Variants in TBC1D5 observed in about 807,000 individuals in gnomAD.
TBC1D5 encodes TBC1 domain family member 5.
Under a neutral mutation model 100.3 loss-of-function variants are expected in TBC1D5, and 75 were observed. That is an observed-to-expected ratio of 0.75 (90% CI 0.62 to 0.91). The LOEUF is 0.91. TBC1D5 is among the 40% of genes least tolerant of loss of function. The probability of loss-of-function intolerance (pLI) is 0.00; values close to 1 mark genes in which losing one functional copy is unlikely to be tolerated. For missense variants in TBC1D5, 910 were observed against 942.4 expected (o/e 0.97, Z 0.45); for synonymous variants, 323 against 325.6 (o/e 0.99, Z 0.09).
intron 1 of TBC1D5, among the ~76,000 whole-genome samples, chr3:17,691,742 G>A (rs4243837): frequency 0.5 from 75,706 of 151,364 alleles, 20,456 homozygotes; most frequent in East Asian, 0.94. Context: ...ACTTGAACCC[G>A]TGAGGCGGAG....
intron 13 of TBC1D5, among the ~76,000 whole-genome samples, chr3:17,370,806 A>G (rs2092412683): frequency 6.6e-6 from 1 of 152,188 alleles, no homozygotes; most frequent in Non-Finnish European, 1.5e-5. Flanking sequence ...ATTCTCTGCA[A>G]TTGAAATAAT....
At chr3:17,185,174 T>C (rs141235471) in exon 19 of TBC1D5, 1 of 1,613,632 alleles carries the variant, frequency 6.2e-7, no homozygotes, top group African/African-American at 1.3e-5. Flanking sequence ...CAACTGCCCT[T>C]GAAGGAAGGA....
intron 8 of TBC1D5, among the ~76,000 whole-genome samples, chr3:17,385,492 G>C (rs1053375284): frequency 6.6e-6 from 1 of 152,036 alleles, no homozygotes; most frequent in Non-Finnish European, 1.5e-5. Context: ...GCTTCACTCT[G>C]CTACTTTGTT....
At chr3:17,706,027 C>T in intron 1 of TBC1D5, 2 of 1,549,294 alleles carry the variant, frequency 1.3e-6, no homozygotes, top group Non-Finnish European at 8.7e-7. Flanking sequence ...CCAGCCTGGA[C>T]TTACACCATG....
chr3:17,694,517 T>A (rs1490794050), intron 1 of TBC1D5, among the ~76,000 whole-genome samples: 1 of 151,994 alleles, frequency 6.6e-6, no homozygotes, highest in African/African-American at 2.4e-5. Context: ...ATCAAATCAA[T>A]GAAACAAAGC....
At chr3:17,639,163 A>T (rs977548394) in intron 1 of TBC1D5, among the ~76,000 whole-genome samples, 6 of 152,198 alleles carry the variant, frequency 3.9e-5, no homozygotes, top group Non-Finnish European at 8.8e-5. Flanking sequence ...GACAAGACAT[A>T]CTAGCAATGT....
intron 2 of TBC1D5, among the ~76,000 whole-genome samples, chr3:17,613,360 C>A (rs2061849531): frequency 6.6e-6 from 1 of 152,152 alleles, no homozygotes; most frequent in Non-Finnish European, 1.5e-5. Flanking sequence ...GTCTATGTTT[C>A]TTTATAGTAG....
chr3:17,526,519 T>C (rs2153356312), intron 2 of TBC1D5, among the ~76,000 whole-genome samples: 1 of 152,292 alleles, frequency 6.6e-6, no homozygotes, highest in African/African-American at 2.4e-5. Context: ...CACTGGTGAT[T>C]TAGTCAACAT....
intron 2 of TBC1D5, among the ~76,000 whole-genome samples, chr3:17,515,700 G>A (rs147833619): frequency 2.8e-4 from 42 of 152,016 alleles, no homozygotes; most frequent in African/African-American, 6.0e-4. Context: ...TACTTTTCTC[G>A]CATGCAAGCT....
intron 1 of TBC1D5, among the ~76,000 whole-genome samples, chr3:17,661,762 T>C (rs2066677487): frequency 6.6e-6 from 1 of 152,078 alleles, no homozygotes; most frequent in Admixed American, 6.6e-5. Flanking sequence ...CCTCCCAAAG[T>C]GCCGGGATCA....
intron 3 of TBC1D5, among the ~76,000 whole-genome samples, chr3:17,502,910 C>T (rs2095802307): frequency 6.7e-6 from 1 of 149,616 alleles, no homozygotes; most frequent in Non-Finnish European, 1.5e-5. Flanking sequence ...TCCTAAATAA[C>T]TCTCAAATGT....
intron 1 of TBC1D5, among the ~76,000 whole-genome samples, chr3:17,681,198 G>C (rs2069415307): frequency 6.6e-6 from 1 of 151,450 alleles, no homozygotes; most frequent in Non-Finnish European, 1.5e-5. Flanking sequence ...GAATACATGG[G>C]TAGTTCTTTC....
intron 3 of TBC1D5, among the ~76,000 whole-genome samples, chr3:17,488,833 A>T (rs966850528): frequency 1.3e-5 from 2 of 151,790 alleles, no homozygotes; most frequent in Non-Finnish European, 2.9e-5. Flanking sequence ...GTGGGCGAGC[A>T]TGCATTACCA....
intron 17 of TBC1D5, among the ~76,000 whole-genome samples, chr3:17,234,448 G>A (rs928529227): frequency 1.4e-5 from 2 of 147,534 alleles, no homozygotes; most frequent in African/African-American, 2.5e-5. Context: ...AAAAAACCAA[G>A]TGCATTTTAA....
chr3:17,641,484 A>T (rs2064498283), intron 1 of TBC1D5, among the ~76,000 whole-genome samples: 1 of 152,266 alleles, frequency 6.6e-6, no homozygotes, highest in Non-Finnish European at 1.5e-5. Context: ...CCTAACTCAT[A>T]AGGTATTGGG....
intron 3 of TBC1D5, among the ~76,000 whole-genome samples, chr3:17,446,660 G>A (rs1470314102): frequency 6.6e-6 from 1 of 152,220 alleles, no homozygotes; most frequent in Admixed American, 6.5e-5. Context: ...ACAGAGACAA[G>A]TAAAAGCCCA....
At chr3:17,508,592 C>A in exon 3 of TBC1D5, 1 of 1,540,854 alleles carries the variant, frequency 6.5e-7, no homozygotes, top group Non-Finnish European at 9.0e-7. Flanking sequence ...GACAGCGTCA[C>A]CAAAAGTAAC....
chr3:17,179,198 G>T (rs1205659558), intron 19 of TBC1D5, among the ~76,000 whole-genome samples: 1 of 152,152 alleles, frequency 6.6e-6, no homozygotes, highest in Non-Finnish European at 1.5e-5. Context: ...AATAAAAAGC[G>T]TATTTAAAAT....
intron 13 of TBC1D5, among the ~76,000 whole-genome samples, chr3:17,367,672 A>G (rs1324011099): frequency 6.6e-6 from 1 of 152,086 alleles, no homozygotes; most frequent in Non-Finnish European, 1.5e-5. Context: ...CTGCCTATCC[A>G]ATGTGGTGAA....
Sources: allele counts gnomAD v4.1 joint callset (sites outside exome capture counted in the v4.1 genomes callset), GRCh38; gene constraint gnomAD v4.1.1; transcripts MANE v1.5; gene names NCBI Gene and HGNC (gene_info 2026-07-23, HGNC 2026-07-21).